Variants in SPTB observed in about 807,000 individuals in gnomAD.
SPTB encodes the protein spectrin beta chain, erythrocytic.
Under a neutral mutation model 256.2 loss-of-function variants are expected in SPTB, and 45 were observed. That is an observed-to-expected ratio of 0.18 (90% CI 0.14 to 0.23). The LOEUF is 0.23. Ranked by LOEUF, SPTB falls within the 10% of genes least tolerant of loss-of-function variation. The pLI, the probability that SPTB is intolerant of heterozygous loss-of-function variation, is 1.00. For synonymous variants in SPTB, 1,231 were observed against 1,243.1 expected (o/e 0.99, Z 0.21); for missense variants, 2,715 against 3,040.4 (o/e 0.89, Z 2.52).
rs758862990 is a variant in SPTB, at chr14:64,860,507, GT to G, written c.-52+19284del. Among the ~76,000 whole-genome samples the G allele has an allele frequency of 5.5e-3, 805 of 147,332 alleles. 4 individuals carry two copies. Among genetic ancestry groups the G allele is most frequent in the African/African-American group, 0.011 (444 of 40,328 alleles). On this transcript the variant is annotated intron_variant, in intron 1 of 35. Transcript: ENST00000644917. Reference sequence around the variant, plus strand: ...GCACATGTGTGGAAGCCAGGTCTGTGTTTTTTTTTTTATAACTATGCTTCAA... The same window carrying G: ...GCACATGTGTGGAAGCCAGGTCTGTGTTTTTTTTTTATAACTATGCTTCAA...
rs1175103350 is a variant in SPTB at position 64,799,816 on chromosome 14, T to C, written c.995A>G (p.Asn332Ser). 1.2e-6 allele frequency: 2 copies of C among 1,614,186 alleles called. No individual in the cohort carries two copies. The highest frequency in any genetic ancestry group is 1.7e-5 in the Admixed American group (1 of 60,022). ...CTGCTGCTGGACGCCCGTCAGCGAGTTGGCAAACTTGCGGCTGTTCAGGAC... is the reference window on the plus strand; with the variant it reads ...CTGCTGCTGGACGCCCGTCAGCGAGCTGGCAAACTTGCGGCTGTTCAGGAC... ...ITVLNSRKFANSLTGVQQQLQ... is the reference protein window; with the variant it reads ...ITVLNSRKFASSLTGVQQQLQ... The change falls in exon 9 of 36, where the codon AAC becomes AGC. Residue 332 changes from asparagine to serine, a missense_variant. Physicochemically the swap from Asn to Ser is conservative, Grantham distance 46. Around this residue, in one of 4 missense-constraint regions of SPTB, gnomAD observed 416 missense variants for 571.1 expected, o/e 0.73. Transcript: ENST00000644917.
rs746933929 is a variant in SPTB, at chr14:64,785,611, C to G, written c.3781G>C (p.Glu1261Gln). ...AGGACAGAGGCCTCCTGGGCCTTCT[C>G]GTTGTTCTTCCTGTGCCTGGAAAGG... ...LIEDRHRKNN[E>Q]KAQEASVLLR... The change falls in exon 18 of 36, where the codon GAG becomes CAG. Residue 1261 changes from glutamate to glutamine, a missense_variant. This residue lies in a region of SPTB where 2,239 missense variants were observed against 2,384.4 expected (regional missense o/e 0.94). Transcript: ENST00000644917. The surrounding 1 kb of genome is among the most constrained non-coding windows in gnomAD (Gnocchi z 4.4). The G allele has an allele frequency of 6.2e-7, 1 of 1,613,986 alleles. No homozygotes were observed. Among genetic ancestry groups the G allele is most frequent in the South Asian group, 1.1e-5 (1 of 91,072 alleles).
chr14:64,836,522 G>T (rs187946807), intron 1 of SPTB, among the ~76,000 whole-genome samples: 1 of 152,038 alleles, frequency 6.6e-6, no homozygotes, highest in African/African-American at 2.4e-5. Context: ...AAAAGGGTAC[G>T]GTCGGTGGGG....
chr14:64,856,333 T>C (rs2139788588), intron 1 of SPTB, among the ~76,000 whole-genome samples: 1 of 152,304 alleles, frequency 6.6e-6, no homozygotes, highest in South Asian at 2.1e-4. Flanking sequence ...AGCTGCCACC[T>C]GAGAGGGAGG....
In SPTB at chr14:64,786,593, C is replaced by T. The variant is rs529931590; in HGVS notation, c.3372G>A (p.Gly1124=). 38 of 1,614,186 alleles carry T rather than the reference C, an allele frequency of 2.4e-5. 1 individual carries two copies. The South Asian group carries it at 4.2e-4, about 18-fold the overall frequency. The change falls in exon 16 of 36, where the codon GGG becomes GGA. Residue 1124 remains glycine (G), a synonymous_variant. Coordinates refer to ENST00000644917, the MANE Select transcript of SPTB (RefSeq NM_001355436.2). The surrounding 1 kb of genome is among the most constrained non-coding windows in gnomAD (Gnocchi z 5.6). ...QDSYQRVKES[G]EKVIQGQTDP... is the part of the protein sequence containing the mutation. ...CCGTCTGGCCTTGGATCACTTTCTC[C>T]CCAGACTCCTTAACACGCTGGTAGC...
rs575927784 is a variant in SPTB at position 64,873,949 on chromosome 14, G to C, written c.-52+5843C>G. ...ACAAAGGCATGCTGAAAATTGAGTG[G>C]ACTATAGTTATCTGTGATCATCATC... is the stretch of plus-strand genomic sequence containing the variant. On this transcript the variant is annotated intron_variant, in intron 1 of 35. Transcript: ENST00000644917. This position sits in a 1 kb window ranked among gnomAD's most constrained non-coding sequence, Gnocchi z 4.3. Among the ~76,000 whole-genome samples the C allele has an allele frequency of 6.6e-6, 1 of 152,078 alleles. No individual in the cohort carries two copies. The highest frequency in any genetic ancestry group is 1.5e-5 in the Non-Finnish European group (1 of 67,996).
chr14:64,761,874 A>T (rs2082101626), intron 32 of SPTB, among the ~76,000 whole-genome samples: 1 of 152,154 alleles, frequency 6.6e-6, no homozygotes, highest in African/African-American at 2.4e-5. Flanking sequence ...CAGTGGTCAC[A>T]TCGTCCACTT....
chr14:64,808,117 A>G (rs533590530), intron 2 of SPTB, among the ~76,000 whole-genome samples: 1 of 152,274 alleles, frequency 6.6e-6, no homozygotes, highest in Non-Finnish European at 1.5e-5. Flanking sequence ...GGTTCAAGCA[A>G]TTCTCTTGCC....
chr14:64,822,393 CACACACACAG>C (rs2083307144), intron 2 of SPTB, among the ~76,000 whole-genome samples: 1 of 145,438 alleles, frequency 6.9e-6, no homozygotes. Flanking sequence ...CACACACACA[CACACACACAG>C]AGAGATCTAT....
rs1296138520 is a variant in SPTB, at chr14:64,802,208, C to A, written c.566+18G>T. ...GGGCTGGTGGTGGATGTGCTAACAG[C>A]TGGTTCCCAGGGCATACCCTGCCGT... On this transcript the variant is annotated intron_variant, in intron 5 of 35. Coordinates refer to ENST00000644917, the MANE Select transcript of SPTB (RefSeq NM_001355436.2). This position sits in a 1 kb window ranked among gnomAD's most constrained non-coding sequence, Gnocchi z 5.1. 1 of 1,613,248 alleles carries A rather than the reference C, an allele frequency of 6.2e-7. No homozygotes were observed. The highest frequency in any genetic ancestry group is 2.2e-5 in the East Asian group (1 of 44,898).
At chr14:64,799,990 A>T in intron 8 of SPTB, 56 bp from the exon 9 acceptor site, 2 of 1,595,260 alleles carry the variant, frequency 1.3e-6, no homozygotes, top group Admixed American at 3.3e-5. Flanking sequence ...ACCACTGAGG[A>T]TATCAATGAG....
At chr14:64,869,118 C>G (rs1010476656) in intron 1 of SPTB, among the ~76,000 whole-genome samples, 2 of 151,834 alleles carry the variant, frequency 1.3e-5, no homozygotes, top group South Asian at 2.1e-4. Context: ...AGCAAGCACT[C>G]TAGAATAAAC....
intron 27 of SPTB, 36 bp from the exon 28 acceptor site, chr14:64,769,764 T>C (rs754922028): frequency 2.5e-6 from 4 of 1,613,648 alleles, no homozygotes; most frequent in East Asian, 2.2e-5. Flanking sequence ...AAGGGAACTC[T>C]GGGTCACTCT....
rs112110962 is a variant in SPTB at position 64,771,022 on chromosome 14, C to T, written c.5661G>A (p.Ala1887=). 42 of 1,614,166 alleles carry T rather than the reference C, an allele frequency of 2.6e-5. No individual in the cohort carries two copies. The highest frequency in any genetic ancestry group is 1.6e-4 in the African/African-American group (12 of 75,074). ...GGCGCCCGGCACAGGCATCGAGCAGCGCCTGCCACGCGGCAGACACCTCCT... is the reference window on the plus strand; with the variant it reads ...GGCGCCCGGCACAGGCATCGAGCAGTGCCTGCCACGCGGCAGACACCTCCT... The part of the protein sequence containing the change: ...KEQEVSAAWQ[A]LLDACAGRRT... Residue 1887 remains alanine (A), a synonymous_variant, in exon 27 of 36, where the codon GCG becomes GCA. Transcript: ENST00000644917.
rs1412059469 is a variant in SPTB, at chr14:64,784,403, T to A, written c.3856-10A>T. On this transcript the variant is annotated splice_polypyrimidine_tract_variant and intron_variant, in intron 18 of 35. Coordinates refer to ENST00000644917, the MANE Select transcript of SPTB (RefSeq NM_001355436.2). ...TGATCCAGAGAGTGAGCTGTGTGCA[T>A]AAAGAGTGGGCTGACTATCCCTGAG... 5.6e-6 allele frequency: 9 copies of A among 1,613,952 alleles called. No individual in the cohort carries two copies. Among genetic ancestry groups the A allele is most frequent in the African/African-American group, 2.7e-5 (2 of 74,944 alleles).
intron 32 of SPTB, among the ~76,000 whole-genome samples, chr14:64,766,038 T>A: frequency 1.4e-5 from 2 of 146,118 alleles, no homozygotes; most frequent in Non-Finnish European, 3.0e-5. Flanking sequence ...TGTATGTGGG[T>A]GTGTGGGTGT....
chr14:64,816,395 G>A lies in SPTB; in HGVS notation c.148+6552C>T, dbSNP rs1403548862. 4.6e-5 allele frequency among the ~76,000 whole-genome samples: 7 copies of A among 152,214 alleles called. No individual in the cohort carries two copies. The highest frequency in any genetic ancestry group is 2.1e-4 in the South Asian group (1 of 4,820). On this transcript the variant is annotated intron_variant, in intron 2 of 35. Coordinates refer to ENST00000644917, the MANE Select transcript of SPTB (RefSeq NM_001355436.2). This position sits in a 1 kb window ranked among gnomAD's most constrained non-coding sequence, Gnocchi z 4.2. ...TCCTGCCCAGGACCTTGGCAACACCGGTGGCCTATCAGGCCTGTGAAGTGG... is the reference window on the plus strand; with the variant it reads ...TCCTGCCCAGGACCTTGGCAACACCAGTGGCCTATCAGGCCTGTGAAGTGG...
rs2082432982 is a variant in SPTB, at chr14:64,779,884, C to G, written c.4314G>C (p.Leu1438=). The G allele has an allele frequency of 1.2e-6, 2 of 1,613,924 alleles. No individual in the cohort carries two copies. Among genetic ancestry groups the G allele is most frequent in the African/African-American group, 2.7e-5 (2 of 74,922 alleles). ...VNVRKEELGE[L]FAQVPSMGEE... ...CTCCCATTGAAGGCACCTGGGCAAA[C>G]AGCTCCCCCAGCTCCTCTTTTCGCA... The change falls in exon 21 of 36, where the codon CTG becomes CTC. Residue 1438 remains leucine (L), a synonymous_variant. Coordinates refer to ENST00000644917, the MANE Select transcript of SPTB (RefSeq NM_001355436.2). The surrounding 1 kb of genome is among the most constrained non-coding windows in gnomAD (Gnocchi z 4.2).
rs2082906173 is a variant in SPTB, at chr14:64,802,541, ATC to A, written c.475-226_475-225del. 6.6e-6 allele frequency among the ~76,000 whole-genome samples: 1 copy of A among 152,030 alleles called. No individual in the cohort carries two copies. The highest frequency in any genetic ancestry group is 2.4e-5 in the African/African-American group (1 of 41,368). Reference sequence around the variant, plus strand: ...CTAGATGCTCCCTGAGCCCAGGGAAATCTGTCTTGGTCACTTGTCTGTCTCCA... The same window carrying A: ...CTAGATGCTCCCTGAGCCCAGGGAAATGTCTTGGTCACTTGTCTGTCTCCA... On this transcript the variant is annotated intron_variant, in intron 4 of 35. Transcript: ENST00000644917. This position sits in a 1 kb window ranked among gnomAD's most constrained non-coding sequence, Gnocchi z 5.1.
Sources: allele counts gnomAD v4.1 joint callset (sites outside exome capture counted in the v4.1 genomes callset), GRCh38; gene constraint gnomAD v4.1.1; regional missense constraint gnomAD v4.1.1; non-coding constraint Gnocchi (gnomAD v3.1); transcripts MANE v1.5; gene names NCBI Gene and HGNC (gene_info 2026-07-23, HGNC 2026-07-21).